Variants in CFAP70 observed in about 807,000 individuals in gnomAD.
CFAP70 encodes cilia and flagella associated protein 70, also known as cilia- and flagella-associated protein 70.
In CFAP70, 81 loss-of-function variants were observed where a neutral mutation model predicts 137.6. That is an observed-to-expected ratio of 0.59 (90% CI 0.49 to 0.71). CFAP70 has a LOEUF of 0.71. CFAP70 is among the 30% of genes least tolerant of loss of function. The probability of loss-of-function intolerance (pLI) is 0.00; values close to 1 mark genes in which losing one functional copy is unlikely to be tolerated. For synonymous variants in CFAP70, 382 were observed against 423.6 expected, an observed-to-expected ratio of 0.90 and a Z score of 1.20; for missense variants, 976 against 1,226.7, an observed-to-expected ratio of 0.80 and a Z score of 3.05.
Position 73,267,248 on chromosome 10 carries a change from C to T in CFAP70, c.3027+2366G>A, listed in dbSNP as rs139191922. Reference sequence around the variant, plus strand: ...AGGTCATATGACAATTTGGCTAGGACTGAAGGATCCAAGAAAACCTTACTC... The same window carrying T: ...AGGTCATATGACAATTTGGCTAGGATTGAAGGATCCAAGAAAACCTTACTC... On this transcript the variant is annotated intron_variant, in intron 25 of 26. Transcript: ENST00000310715. 1.1e-3 allele frequency among the ~76,000 whole-genome samples: 170 copies of T among 152,314 alleles called. 2 individuals are homozygous for T. The highest frequency in any genetic ancestry group is 0.011 in the South Asian group (51 of 4,834).
intron 12 of CFAP70, among the ~76,000 whole-genome samples, chr10:73,309,658 A>ATTTTTTTTTTTTTTTTTTT (rs60294953): frequency 2.9e-5 from 4 of 136,422 alleles, no homozygotes; most frequent in South Asian, 2.5e-4. Flanking sequence ...TTTCCTAAGA[A>ATTTTTTTTTTTTTTTTTTT]TTTTTTTTTT....
chr10:73,278,069 C>T (rs1027387016), intron 20 of CFAP70, 110 bp downstream of exon 21: 9 of 1,103,816 alleles, frequency 8.2e-6, no homozygotes, highest in Non-Finnish European at 1.2e-5. Flanking sequence ...ATTTCAGAGC[C>T]TGGTTATCAA....
chr10:73,279,131 A>T (rs184726882), intron 19 of CFAP70: 17 of 152,360 alleles, frequency 1.1e-4, no homozygotes, highest in African/African-American at 3.8e-4. Flanking sequence ...CCCCTGCACA[A>T]GGATGACTCA....
chr10:73,294,816 C>A (rs538785063), intron 15 of CFAP70: 2 of 152,302 alleles, frequency 1.3e-5, no homozygotes, highest in East Asian at 1.9e-4. Flanking sequence ...TCTATTGTAT[C>A]GCTTTCTTTT....
chr10:73,353,407 G>T (rs1275641732), intron 3 of CFAP70, 149 bp downstream of exon 3: 4 of 727,930 alleles, frequency 5.5e-6, no homozygotes, highest in Non-Finnish European at 8.9e-6. Context: ...TTCAGTTCCT[G>T]CCTTGCTTCT....
chr10:73,361,250 G>A (rs557847247), upstream of CFAP70, among the ~76,000 whole-genome samples: 197 of 149,696 alleles, frequency 1.3e-3, no homozygotes, highest in Non-Finnish European at 1.4e-3. Context: ...TGTCTCAGCC[G>A]CCTAAAGTGC....
At chr10:73,255,128 G>A (rs1784630912) in intron 26 of CFAP70, among the ~76,000 whole-genome samples, 2 of 152,148 alleles carry the variant, frequency 1.3e-5, no homozygotes, top group South Asian at 2.1e-4. Flanking sequence ...GCCAGGCGTG[G>A]TGGCTCACGC....
chr10:73,356,449 C>T (rs1409823500), intron 1 of CFAP70, among the ~76,000 whole-genome samples: 1 of 152,194 alleles, frequency 6.6e-6, no homozygotes, highest in Non-Finnish European at 1.5e-5. Context: ...CCACTCACCT[C>T]AGCCTCCCAA....
intron 12 of CFAP70, among the ~76,000 whole-genome samples, chr10:73,300,819 C>T (rs1334327868): frequency 1.3e-5 from 2 of 152,264 alleles, no homozygotes; most frequent in East Asian, 3.9e-4. Context: ...GAGATCGCAC[C>T]ACTGCATTCC....
chr10:73,350,935 G>GTA (rs2054141142), intron 3 of CFAP70, among the ~76,000 whole-genome samples: 1 of 149,022 alleles, frequency 6.7e-6, no homozygotes, highest in South Asian at 2.1e-4. Context: ...TAATTTGTGT[G>GTA]TATATATGTG....
chr10:73,286,487 C>T (rs2047723322), intron 19 of CFAP70, among the ~76,000 whole-genome samples: 1 of 152,096 alleles, frequency 6.6e-6, no homozygotes, highest in Admixed American at 6.6e-5. Flanking sequence ...CTTGATCCCT[C>T]AAACTAAATT....
At chr10:73,339,806 G>A (rs1379610389) in intron 6 of CFAP70, among the ~76,000 whole-genome samples, 1 of 146,886 alleles carries the variant, frequency 6.8e-6, no homozygotes, top group African/African-American at 2.7e-5. Flanking sequence ...ACCAGAAACT[G>A]AAGAGCCCCA....
Position 73,267,950 on chromosome 10 carries a change from C to T in CFAP70, c.3027+1664G>A, listed in dbSNP as rs540343562. Reference sequence around the variant, plus strand: ...ATGTGGTCCTTCTCCATATTCAAGCCAGAGATGCTATACTGAATGATTCTT... The same window carrying T: ...ATGTGGTCCTTCTCCATATTCAAGCTAGAGATGCTATACTGAATGATTCTT... On this transcript the variant is annotated intron_variant, in intron 25 of 26. Coordinates refer to ENST00000310715, the Ensembl canonical transcript of CFAP70. Among the ~76,000 whole-genome samples the T allele has an allele frequency of 3.4e-4, 52 of 152,272 alleles. 2 individuals carry two copies. In the South Asian group the frequency reaches 0.01, roughly 30 times the overall value.
At chr10:73,272,030 CAT>C (rs2046355021) in intron 24 of CFAP70, among the ~76,000 whole-genome samples, 1 of 152,070 alleles carries the variant, frequency 6.6e-6, no homozygotes, top group African/African-American at 2.4e-5. Context: ...ATAATGAACA[CAT>C]ATTATCTTTA....
chr10:73,351,123 T>C (rs1272564944), intron 3 of CFAP70, among the ~76,000 whole-genome samples: 1 of 123,016 alleles, frequency 8.1e-6, no homozygotes, highest in Non-Finnish European at 1.7e-5. Flanking sequence ...GTATGTTTTG[T>C]TTTTTTTTTT....
chr10:73,315,557 CT>C (rs2050271969), intron 9 of CFAP70, among the ~76,000 whole-genome samples: 1 of 151,930 alleles, frequency 6.6e-6, no homozygotes. Flanking sequence ...CATAGATATT[CT>C]TTTTTGTTGT....
At chr10:73,315,272 C>T (rs1391968426) in intron 9 of CFAP70, among the ~76,000 whole-genome samples, 2 of 147,612 alleles carry the variant, frequency 1.4e-5, no homozygotes, top group African/African-American at 2.5e-5. Context: ...ATACAATGTA[C>T]ACATTTAAAG....
intron 3 of CFAP70, 72 bp downstream of exon 3, chr10:73,353,484 G>A: frequency 7.5e-7 from 1 of 1,336,570 alleles, no homozygotes; most frequent in Non-Finnish European, 1.0e-6. Context: ...TGTTTTGGTT[G>A]TGCTTTTCCC....
At chr10:73,279,263 A>G (rs12261935) in intron 19 of CFAP70, 16,027 of 151,852 alleles carry the variant, frequency 0.11, 1,217 homozygotes, top group East Asian at 0.3. Flanking sequence ...GGTGGCTCAC[A>G]GCTGTAATCC....
Sources: gnomAD v4.1 joint callset for allele counts (sites outside exome capture counted in the v4.1 genomes callset) on GRCh38, gnomAD v4.1.1 for gene constraint, MANE v1.5 for transcripts, NCBI Gene and HGNC (gene_info 2026-07-23, HGNC 2026-07-21) for gene names.